IFNAR2: variants seen among roughly 807,000 people sequenced by gnomAD.
IFNAR2 encodes interferon alpha and beta receptor subunit 2, also known as interferon alpha/beta receptor 2.
A neutral mutation model predicts 49.4 loss-of-function variants in IFNAR2; 30 were observed. The ratio of observed to expected loss-of-function variants is 0.61; its 90% CI spans 0.45 to 0.82. IFNAR2 has a LOEUF of 0.82. IFNAR2 is among the 40% of genes least tolerant of loss of function. The probability of loss-of-function intolerance (pLI) is 0.00; values close to 1 mark genes in which losing one functional copy is unlikely to be tolerated. For synonymous variants in IFNAR2, 224 were observed against 234.5 expected, an observed-to-expected ratio of 0.96 and a Z score of 0.41; for missense variants, 600 against 622.7, an observed-to-expected ratio of 0.96 and a Z score of 0.39.
chr21:33,240,352 A>G (rs1296966858), intron 1 of IFNAR2, among the ~76,000 whole-genome samples: 1 of 152,226 alleles, frequency 6.6e-6, no homozygotes, highest in Non-Finnish European at 1.5e-5. Flanking sequence ...GCCTAGGAAC[A>G]ATAGTCTATA....
At chr21:33,255,601 G>A (rs1297541302) in intron 7 of IFNAR2, among the ~76,000 whole-genome samples, 1 of 147,856 alleles carries the variant, frequency 6.8e-6, no homozygotes, top group African/African-American at 2.5e-5. Flanking sequence ...GGAGTCAGGT[G>A]TACCACCCTC....
chr21:33,244,943 C>G lies in IFNAR2; in HGVS notation c.98-8C>G. On this transcript the variant is annotated splice_region_variant and splice_polypyrimidine_tract_variant and intron_variant, in intron 3 of 8. Transcript: ENST00000342136. Reference sequence around the variant, plus strand: ...AAATTTCAATGCCCTTTTTCTTCTTCTCTTTAGATTACACAGATGAATCTT... The same window carrying G: ...AAATTTCAATGCCCTTTTTCTTCTTGTCTTTAGATTACACAGATGAATCTT... 6.2e-7 allele frequency: 1 copy of G among 1,610,282 alleles called. No homozygotes were observed. Among genetic ancestry groups the G allele is most frequent in the South Asian group, 1.1e-5 (1 of 90,852 alleles).
chr21:33,231,258 A>G (rs1986043999), intron 1 of IFNAR2, among the ~76,000 whole-genome samples: 1 of 152,138 alleles, frequency 6.6e-6, no homozygotes, highest in Non-Finnish European at 1.5e-5. Flanking sequence ...ATCAAAATCT[A>G]CCCTAAGGAA....
intron 1 of IFNAR2, among the ~76,000 whole-genome samples, chr21:33,233,478 G>A (rs1986210113): frequency 6.6e-6 from 1 of 152,144 alleles, no homozygotes; most frequent in South Asian, 2.1e-4. Flanking sequence ...GAATACGGAA[G>A]CACTACGATA....
intron 7 of IFNAR2, among the ~76,000 whole-genome samples, chr21:33,259,091 G>A (rs1033470116): frequency 9.2e-5 from 14 of 151,924 alleles, no homozygotes; most frequent in African/African-American, 2.2e-4. Flanking sequence ...TACCAACCCC[G>A]TTGCTCAGTT....
In IFNAR2 at chr21:33,245,087, T is replaced by G; in HGVS notation, c.221+13T>G. The G allele has an allele frequency of 1.3e-6, 2 of 1,579,198 alleles. No individual in the cohort carries two copies. Among genetic ancestry groups the G allele is most frequent in the Non-Finnish European group, 1.7e-6 (2 of 1,148,590 alleles). On this transcript the variant is annotated intron_variant, in intron 4 of 8. Coordinates refer to ENST00000342136, the MANE Select transcript of IFNAR2 (RefSeq NM_001289125.3). ...ATACAATCATGAGGTTGGTTTGATATTTCATTTTCTCTTGGTAAACATATT... is the reference window on the plus strand; with the variant it reads ...ATACAATCATGAGGTTGGTTTGATAGTTCATTTTCTCTTGGTAAACATATT...
In IFNAR2 at chr21:33,230,250, C is replaced by T; in HGVS notation, c.-84+34C>T. ...GCGTGGCGGGGTCGCGGGAGCGGAG[C>T]GCGTGGCCAGCTGACTGGAGGGAAA... On this transcript the variant is annotated intron_variant, in intron 1 of 8. Coordinates refer to ENST00000342136, the MANE Select transcript of IFNAR2 (RefSeq NM_001289125.3). The surrounding 1 kb of genome is among the most constrained non-coding windows in gnomAD (Gnocchi z 5.5). The T allele has an allele frequency of 2.7e-6, 3 of 1,094,708 alleles. No individual in the cohort carries two copies. Among genetic ancestry groups the T allele is most frequent in the Non-Finnish European group, 3.4e-6 (3 of 891,726 alleles). 67.8% of individuals were successfully genotyped at this position (1,094,708 alleles called of 1,614,324 possible). A position where few individuals can be genotyped will look rare whatever the true frequency, so the allele number is the denominator to read the frequency against.
chr21:33,252,159 A>G (rs1601809018), intron 6 of IFNAR2: 1 of 470,800 alleles, frequency 2.1e-6, no homozygotes, highest in Middle Eastern at 3.2e-4. Flanking sequence ...GAAACTAGAC[A>G]TCAGTCAGTT....
At chr21:33,259,748 C>A (rs1326309633) in intron 7 of IFNAR2, among the ~76,000 whole-genome samples, 1 of 152,198 alleles carries the variant, frequency 6.6e-6, no homozygotes, top group African/African-American at 2.4e-5. Flanking sequence ...CAATCCTTCA[C>A]ACTCTTGATG....
chr21:33,251,916 C>G (rs1987864866), intron 6 of IFNAR2: 1 of 231,176 alleles, frequency 4.3e-6, no homozygotes, highest in Non-Finnish European at 7.1e-6. Flanking sequence ...AACCCCATCT[C>G]TACTAAAAAT....
intron 2 of IFNAR2, among the ~76,000 whole-genome samples, chr21:33,242,723 T>A: frequency 2.1e-5 from 1 of 47,848 alleles, no homozygotes; most frequent in Non-Finnish European, 4.0e-5. Flanking sequence ...AGCAAGACTC[T>A]GTCTCAAAAA....
At chr21:33,242,949 C>A (rs1347547434) in intron 2 of IFNAR2, among the ~76,000 whole-genome samples, 1 of 150,292 alleles carries the variant, frequency 6.7e-6, no homozygotes, top group African/African-American at 2.5e-5. Flanking sequence ...CCACCATGCC[C>A]GGCTAATTTT....
At chr21:33,260,857 ACT>A (rs1261177892) in intron 8 of IFNAR2, 130 bp downstream of exon 8, 4 of 559,942 alleles carry the variant, frequency 7.1e-6, no homozygotes, top group Admixed American at 3.8e-5. Flanking sequence ...ATGCTTTCTC[ACT>A]CTGAGTTCTT....
In IFNAR2 at chr21:33,230,047, C is replaced by A. The variant is rs1353801963; in HGVS notation, c.-253C>A. 5 of 985,850 alleles carry A rather than the reference C, an allele frequency of 5.1e-6. No individual in the cohort carries two copies. Among genetic ancestry groups the A allele is most frequent in the Admixed American group, 6.2e-5 (1 of 16,242 alleles). The allele number at this position is 985,850 out of a possible 1,614,324, so 61.1% of individuals were successfully genotyped here. A position where few individuals can be genotyped will look rare whatever the true frequency, so the allele number is the denominator to read the frequency against. ...GCCGAACAGTTCCCCGAGCGCAGCC[C>A]GCGGACCACCACCCGGCCGCACGGG... On this transcript the variant is annotated 5_prime_UTR_variant, in exon 1 of 9. Coordinates refer to ENST00000342136, the MANE Select transcript of IFNAR2 (RefSeq NM_001289125.3). This position sits in a 1 kb window ranked among gnomAD's most constrained non-coding sequence, Gnocchi z 5.5.
In IFNAR2 at chr21:33,263,209, C is replaced by T. The variant is rs771755235; in HGVS notation, c.1257C>T (p.Gly419=). The T allele has an allele frequency of 1.2e-6, 2 of 1,614,148 alleles. No individual in the cohort carries two copies. Among genetic ancestry groups the T allele is most frequent in the Non-Finnish European group, 1.7e-6 (2 of 1,180,020 alleles). The change falls in exon 9 of 9, where the codon GGC becomes GGT. Residue 419 remains glycine, a synonymous_variant. Transcript: ENST00000342136. The stretch of plus-strand genomic sequence containing the variant: ...ACAGCTCCACGGAGGGGTCTGGGGG[C>T]AGAATTACCTTCAATGTGGACTTAA... ...EDYSSTEGSG[G]RITFNVDLNS...
intron 6 of IFNAR2, chr21:33,252,383 T>C (rs2123502805): frequency 9.1e-7 from 1 of 1,096,678 alleles, no homozygotes; most frequent in Non-Finnish European, 1.2e-6. Context: ...CAGAGACTTT[T>C]ATTCCTCTTT....
intron 1 of IFNAR2, among the ~76,000 whole-genome samples, chr21:33,236,536 G>C (rs1404773590): frequency 6.6e-6 from 1 of 152,212 alleles, no homozygotes; most frequent in South Asian, 2.1e-4. Flanking sequence ...CCAGTCCATG[G>C]GGCGAGGCTG....
intron 6 of IFNAR2, 194 bp from the exon 7 acceptor site, chr21:33,252,468 G>T: frequency 1.0e-6 from 1 of 985,122 alleles, no homozygotes; most frequent in Non-Finnish European, 1.2e-6. Flanking sequence ...GTGTGTGCAG[G>T]TGTATATTAA....
chr21:33,242,148 T>TTAGATTCAATG, intron 2 of IFNAR2, among the ~76,000 whole-genome samples, 171 bp downstream of exon 2: 1 of 152,262 alleles, frequency 6.6e-6, no homozygotes, highest in Non-Finnish European at 1.5e-5. Context: ...CACTAGTAGT[T>TTAGATTCAATG]TAGATTCAAT....
Sources: gnomAD v4.1 joint callset for allele counts (sites outside exome capture counted in the v4.1 genomes callset) on GRCh38, gnomAD v4.1.1 for gene constraint, Gnocchi (gnomAD v3.1) non-coding constraint, MANE v1.5 for transcripts, NCBI Gene and HGNC (gene_info 2026-07-23, HGNC 2026-07-21) for gene names.